KRT8: variants seen among roughly 807,000 people sequenced by gnomAD.
KRT8 encodes the protein keratin 8, also known as keratin, type II cytoskeletal 8.
Under a neutral mutation model 43.0 loss-of-function variants are expected in KRT8, and 24 were observed. That is an observed-to-expected ratio of 0.56 (90% CI 0.40 to 0.78). The LOEUF (loss-of-function observed/expected upper bound fraction) is 0.78, where lower values mean the gene tolerates loss of function less well. Among genes scored for constraint, KRT8 ranks in the 30% least tolerant of loss-of-function variants. The pLI is 0.00. For missense variants in KRT8, 492 were observed against 638.4 expected, an observed-to-expected ratio of 0.77 and a Z score of 2.47; for synonymous variants, 214 against 261.2, an observed-to-expected ratio of 0.82 and a Z score of 1.74.
chr12:52,920,974 T>C (rs1437652800), intron 2 of KRT8, among the ~76,000 whole-genome samples: 1 of 152,184 alleles, frequency 6.6e-6, no homozygotes, highest in Non-Finnish European at 1.5e-5. Context: ...CACCACTCTG[T>C]AACCAACCTG....
rs111570789 is a variant in KRT8, at chr12:52,899,765, C to T, written c.981+10G>A. On this transcript the variant is annotated intron_variant, in intron 5 of 7. Coordinates refer to ENST00000692008, the Ensembl canonical transcript of KRT8. ...CAAGGAACCCCTCCCACCCCCAACC[C>T]GGCCCATACCTGGCCTTTGAGGCCC... 3 of 1,610,774 alleles carry T rather than the reference C, an allele frequency of 1.9e-6. No individual in the cohort carries two copies. The highest frequency in any genetic ancestry group is 1.1e-5 in the South Asian group (1 of 90,912).
intron 2 of KRT8, among the ~76,000 whole-genome samples, chr12:52,934,403 A>G (rs1942132640): frequency 6.6e-6 from 1 of 151,724 alleles, no homozygotes; most frequent in South Asian, 2.1e-4. Flanking sequence ...CTACTAAAAA[A>G]TACAAAAAAT....
In KRT8 at chr12:52,921,672, T is replaced by G. The variant is rs143788469; in HGVS notation, c.-46-16645A>C. 1.1e-4 allele frequency among the ~76,000 whole-genome samples: 17 copies of G among 152,194 alleles called. No homozygotes were observed. In the East Asian group the frequency reaches 2.1e-3, roughly 19 times the overall value. On this transcript the variant is annotated intron_variant, in intron 2 of 6. Coordinates refer to the KRT8 transcript ENST00000546826. ...AGATGGACTATTCCTCCCAGGCTTCTCCCTCCAGCCCTCCAGCCTGGAGCC... is the reference window on the plus strand; with the variant it reads ...AGATGGACTATTCCTCCCAGGCTTCGCCCTCCAGCCCTCCAGCCTGGAGCC...
intron 2 of KRT8, among the ~76,000 whole-genome samples, chr12:52,917,897 A>G (rs1941775191): frequency 6.7e-6 from 1 of 150,002 alleles, no homozygotes; most frequent in Admixed American, 6.8e-5. Context: ...AAGAAGAAGG[A>G]GAAGGAGGAG....
chr12:52,905,148 A>C (rs1592166831), upstream of KRT8: 1 of 1,346,408 alleles, frequency 7.4e-7, no homozygotes, highest in East Asian at 2.5e-5. Flanking sequence ...GGCTAGGCCC[A>C]GAGGGGGCTG....
At chr12:52,936,045 A>G (rs1274275748) in intron 2 of KRT8, among the ~76,000 whole-genome samples, 1 of 151,846 alleles carries the variant, frequency 6.6e-6, no homozygotes, top group Non-Finnish European at 1.5e-5. Flanking sequence ...CGAGGTCAGG[A>G]GTTCAAGACC....
chr12:52,949,146 T>G, intron 2 of KRT8: 1 of 1,606,304 alleles, frequency 6.2e-7, no homozygotes, highest in Non-Finnish European at 8.5e-7. Flanking sequence ...AAAGCCTGAG[T>G]CCTGTCCTTT....
upstream of KRT8, among the ~76,000 whole-genome samples, chr12:52,908,045 G>A (rs1245203531): frequency 2.6e-5 from 4 of 152,198 alleles, no homozygotes; most frequent in Non-Finnish European, 5.9e-5. Context: ...ACCAGGGAAG[G>A]AGGAGACACT....
At chr12:52,904,636 G>C (rs1233338464) in intron 1 of KRT8, 22 bp downstream of exon 1, 1 of 1,605,734 alleles carries the variant, frequency 6.2e-7, no homozygotes, top group Non-Finnish European at 8.5e-7. Context: ...GGCACAGTCA[G>C]CCACGCAGGG....
chr12:52,904,510 G>A (rs1592166050), intron 1 of KRT8, 148 bp downstream of exon 1: 5 of 775,398 alleles, frequency 6.4e-6, no homozygotes, highest in African/African-American at 3.4e-5. Context: ...GCACGGGAGG[G>A]GTGAGTCGGA....
At chr12:52,907,955 C>T (rs1431325011), upstream of KRT8, among the ~76,000 whole-genome samples, 2 of 152,234 alleles carry the variant, frequency 1.3e-5, no homozygotes, top group Non-Finnish European at 2.9e-5. Context: ...AGCTGCCTGC[C>T]GGACAAAAGG....
At chr12:52,949,225 T>A (rs1479948631) in intron 2 of KRT8, 1 of 1,611,414 alleles carries the variant, frequency 6.2e-7, no homozygotes. Flanking sequence ...GTCCCTGGGC[T>A]CTGTCCAGGC....
At chr12:52,928,691 C>T (rs188226437) in intron 2 of KRT8, among the ~76,000 whole-genome samples, 30 of 152,148 alleles carry the variant, frequency 2.0e-4, no homozygotes, top group Non-Finnish European at 2.8e-4. Flanking sequence ...GATCACCTGA[C>T]GTCAGGAGTT....
intron 2 of KRT8, among the ~76,000 whole-genome samples, chr12:52,919,009 A>G (rs1229777941): frequency 6.6e-6 from 1 of 152,100 alleles, no homozygotes; most frequent in Non-Finnish European, 1.5e-5. Context: ...GAGGGTAACT[A>G]GGAGGTGGCA....
chr12:52,904,599 C>G (rs1185208579), intron 1 of KRT8, 59 bp downstream of exon 1: 26 of 1,499,824 alleles, frequency 1.7e-5, no homozygotes, highest in Non-Finnish European at 2.4e-5. Context: ...GCATAGGGAC[C>G]GGGACTACCA....
intron 2 of KRT8, among the ~76,000 whole-genome samples, chr12:52,918,141 G>A: frequency 9.6e-6 from 1 of 103,866 alleles, no homozygotes; most frequent in African/African-American, 3.7e-5. Context: ...GAGGGGGAGA[G>A]GGAGAGGGAG....
intron 7 of KRT8, 49 bp downstream of exon 7, chr12:52,898,409 GCCT>G (rs992250636): frequency 1.3e-6 from 2 of 1,516,406 alleles, no homozygotes; most frequent in African/African-American, 2.7e-5. Flanking sequence ...TGGAGCTGAG[GCCT>G]CCCTGGGCCC....
chr12:52,910,764 A>C (rs536847977), upstream of KRT8, among the ~76,000 whole-genome samples: 9 of 151,994 alleles, frequency 5.9e-5, no homozygotes, highest in Admixed American at 2.0e-4. Context: ...GCCCACCCCC[A>C]CCCCAGCCCT....
intron 2 of KRT8, among the ~76,000 whole-genome samples, chr12:52,918,548 A>G (rs1941824471): frequency 6.6e-6 from 1 of 152,202 alleles, no homozygotes; most frequent in Non-Finnish European, 1.5e-5. Context: ...CTGCTGCCCC[A>G]AAGCCATGTG....
Sources: allele counts gnomAD v4.1 joint callset (sites outside exome capture counted in the v4.1 genomes callset), GRCh38; gene constraint gnomAD v4.1.1; transcripts MANE v1.5; gene names NCBI Gene and HGNC (gene_info 2026-07-23, HGNC 2026-07-21).